AFF2: variants seen among roughly 807,000 people sequenced by gnomAD.
AFF2 encodes the protein ALF transcription elongation factor 2.
In AFF2, 14 loss-of-function variants were observed where a neutral mutation model predicts 76.9. The ratio of observed to expected loss-of-function variants is 0.18; its 90% confidence interval spans 0.12 to 0.28. The LOEUF (loss-of-function observed/expected upper bound fraction) is 0.28. Ranked by LOEUF, AFF2 falls within the 10% of genes least tolerant of loss-of-function variation. The pLI is 1.00. For missense variants in AFF2, 868 were observed against 1,001.1 expected (o/e 0.87, Z 1.79); for synonymous variants, 398 against 366.7 (o/e 1.09, Z -0.98).
intron 1 of AFF2, among the ~76,000 whole-genome samples, chrX:148,637,964 C>T (rs2054048969): frequency 9.1e-6 from 1 of 109,354 alleles, no homozygotes; most frequent in Non-Finnish European, 1.9e-5. Flanking sequence ...ACAGAATAGT[C>T]CAGGAACTTG....
chrX:148,905,760 C>G (rs1451214223), intron 9 of AFF2, among the ~76,000 whole-genome samples: 5 of 112,553 alleles, frequency 4.4e-5, no homozygotes, highest in African/African-American at 1.6e-4. Context: ...ATGGAATAGC[C>G]CATTGGCAGT....
intron 9 of AFF2, among the ~76,000 whole-genome samples, chrX:148,936,559 G>A (rs1457293754): frequency 1.8e-5 from 2 of 112,665 alleles, no homozygotes; most frequent in Non-Finnish European, 3.7e-5. Context: ...ATGTCTCCTA[G>A]TAGACTTCCA....
chrX:148,611,084 A>T (rs782484090), intron 1 of AFF2, among the ~76,000 whole-genome samples: 57 of 112,051 alleles, frequency 5.1e-4, no homozygotes, highest in Admixed American at 1.9e-4. Flanking sequence ...CATGAAAAAC[A>T]GGCCCATTTA....
At chrX:148,553,057 T>A (rs2124291601) in intron 1 of AFF2, among the ~76,000 whole-genome samples, 1 of 112,232 alleles carries the variant, frequency 8.9e-6, no homozygotes, top group African/African-American at 3.2e-5. Flanking sequence ...ATGCTCAGGA[T>A]GGTTCTCCCC....
intron 4 of AFF2, among the ~76,000 whole-genome samples, chrX:148,834,104 T>C (rs2124663235): frequency 8.9e-6 from 1 of 112,622 alleles, no homozygotes; most frequent in East Asian, 2.8e-4. Flanking sequence ...TTGTGGGGTT[T>C]GACTTTGGAG....
intron 19 of AFF2, among the ~76,000 whole-genome samples, chrX:148,982,546 G>A: frequency 8.9e-6 from 1 of 112,028 alleles, no homozygotes. Flanking sequence ...GTGAATGAGG[G>A]TGGTGTCCCC....
chrX:148,631,389 G>A (rs1046572407), intron 1 of AFF2, among the ~76,000 whole-genome samples: 15 of 105,266 alleles, frequency 1.4e-4, no homozygotes, highest in African/African-American at 5.2e-4. Flanking sequence ...AAATATATAC[G>A]ACTGTCAAGC....
At chrX:148,766,665 C>T (rs782593679) in intron 3 of AFF2, among the ~76,000 whole-genome samples, 48 of 109,757 alleles carry the variant, frequency 4.4e-4, no homozygotes, top group African/African-American at 1.5e-3. Flanking sequence ...TGCCTGTTCA[C>T]TCTGATGGTA....
At chrX:148,503,357 G>T (rs1272734846) in intron 1 of AFF2, among the ~76,000 whole-genome samples, 1 of 111,707 alleles carries the variant, frequency 9.0e-6, no homozygotes, top group Non-Finnish European at 1.9e-5. Flanking sequence ...TGCCAGTTAC[G>T]TGTTCATTAT....
At chrX:148,856,912 A>C (rs1172385977) in intron 7 of AFF2, among the ~76,000 whole-genome samples, 1 of 112,536 alleles carries the variant, frequency 8.9e-6, no homozygotes, top group Non-Finnish European at 1.9e-5. Flanking sequence ...CTGTGAAATA[A>C]ACATTCCATT....
intron 1 of AFF2, among the ~76,000 whole-genome samples, chrX:148,581,484 G>A (rs1329392777): frequency 1.2e-5 from 1 of 85,134 alleles, no homozygotes; most frequent in African/African-American, 4.6e-5. Context: ...ATACGTATAC[G>A]TCTACGTGTA....
intron 1 of AFF2, among the ~76,000 whole-genome samples, chrX:148,503,043 T>C (rs1377289793): frequency 1.8e-5 from 2 of 112,355 alleles, no homozygotes; most frequent in Non-Finnish European, 3.8e-5. Flanking sequence ...AGCATAGACT[T>C]GGACACTTCG....
chrX:148,692,274 G>A (rs547711895), intron 3 of AFF2, among the ~76,000 whole-genome samples: 16 of 111,940 alleles, frequency 1.4e-4, no homozygotes, highest in African/African-American at 5.2e-4. Flanking sequence ...ACTCAGCATC[G>A]GAAAGTTTCA....
In AFF2 at chrX:148,500,959, G is replaced by A; in HGVS notation, c.-139G>A. On this transcript the variant is annotated 5_prime_UTR_variant, in exon 1 of 21. The change abolishes an upstream ATG in the 5' untranslated region. Coordinates refer to ENST00000370460, the MANE Select transcript of AFF2 (RefSeq NM_002025.4). Reference sequence around the variant, plus strand: ...TCCAGCGCCCGCTGCTGCTGCCGATGCGGCCCGGACACTTTTAGCTGGGCG... The same window carrying A: ...TCCAGCGCCCGCTGCTGCTGCCGATACGGCCCGGACACTTTTAGCTGGGCG... 1.3e-6 allele frequency: 1 copy of A among 762,696 alleles called. No individual in the cohort carries two copies. Among genetic ancestry groups the A allele is most frequent in the Non-Finnish European group, 1.8e-6 (1 of 553,248 alleles). 62.9% of individuals were successfully genotyped at this position (762,696 alleles called of 1,213,427 possible). A position where few individuals can be genotyped will look rare whatever the true frequency, so the allele number is the denominator to read the frequency against.
intron 7 of AFF2, 55 bp downstream of exon 7, chrX:148,843,488 A>C: frequency 3.0e-6 from 3 of 1,002,753 alleles, no homozygotes; most frequent in Non-Finnish European, 4.2e-6. Context: ...GCAAGGAAAC[A>C]GTGCCTCAAT....
intron 1 of AFF2, among the ~76,000 whole-genome samples, chrX:148,607,467 T>C (rs1359310562): frequency 9.0e-6 from 1 of 111,711 alleles, no homozygotes; most frequent in African/African-American, 3.3e-5. Flanking sequence ...CACTCTTGCC[T>C]GCCACCATGT....
At chrX:148,512,166 G>A (rs2124196848) in intron 1 of AFF2, among the ~76,000 whole-genome samples, 1 of 111,787 alleles carries the variant, frequency 8.9e-6, no homozygotes, top group African/African-American at 3.2e-5. Context: ...CAAGAGCCAT[G>A]ATGGACCTTT....
At chrX:148,602,823 G>GTT (rs11446506) in intron 1 of AFF2, among the ~76,000 whole-genome samples, 2,982 of 100,815 alleles carry the variant, frequency 0.03, 61 homozygotes, top group African/African-American at 0.078. Flanking sequence ...CACTTCAAAA[G>GTT]TTTTTTTTTT....
At chrX:148,505,626 T>TTTA (rs1557232397) in intron 1 of AFF2, among the ~76,000 whole-genome samples, 2 of 111,475 alleles carry the variant, frequency 1.8e-5, no homozygotes, top group Non-Finnish European at 3.8e-5. Flanking sequence ...CCATGCAAAA[T>TTTA]TTGCACTTAT....
Sources: gnomAD v4.1 joint callset for allele counts (sites outside exome capture counted in the v4.1 genomes callset) on GRCh38, gnomAD v4.1.1 for gene constraint, MANE v1.5 for transcripts, NCBI Gene and HGNC (gene_info 2026-07-23, HGNC 2026-07-21) for gene names.